Variants in SORCS2 observed in about 807,000 individuals in gnomAD.
SORCS2 encodes sortilin related VPS10 domain containing receptor 2, also known as VPS10 domain-containing receptor SorCS2.
In SORCS2, 100 loss-of-function variants were observed where a neutral mutation model predicts 141.6. The observed-to-expected ratio is 0.71, with a 90% CI of 0.60 to 0.83. The LOEUF is 0.83. SORCS2 is among the 40% of genes least tolerant of loss of function. SORCS2 has a pLI of 0.00. For synonymous variants in SORCS2, 789 were observed against 676.9 expected (o/e 1.17, Z -2.57); for missense variants, 1,646 against 1,560.2 (o/e 1.05, Z -0.93).
chr4:7,634,242 C>T (rs1189137971), intron 3 of SORCS2, among the ~76,000 whole-genome samples: 5 of 152,214 alleles, frequency 3.3e-5, no homozygotes, highest in South Asian at 4.2e-4. Flanking sequence ...GGCATGGTGG[C>T]GGGCACCTGT....
chr4:7,514,609 G>A (rs866564614), intron 2 of SORCS2, among the ~76,000 whole-genome samples: 3 of 152,072 alleles, frequency 2.0e-5, no homozygotes, highest in African/African-American at 4.8e-5. Flanking sequence ...AAGGAGAGGA[G>A]CACACGCAAA....
At chr4:7,461,373 C>T (rs1560304317) in intron 2 of SORCS2, among the ~76,000 whole-genome samples, 1 of 152,154 alleles carries the variant, frequency 6.6e-6, no homozygotes, top group Non-Finnish European at 1.5e-5. Context: ...AGGGGGATGG[C>T]CGAGCTTCCA....
chr4:7,426,996 C>T (rs1239003222), intron 2 of SORCS2, among the ~76,000 whole-genome samples: 4 of 152,136 alleles, frequency 2.6e-5, no homozygotes, highest in African/African-American at 9.7e-5. Context: ...TGGGCCCCTC[C>T]CACCAAGGAA....
At chr4:7,462,024 G>T (rs1297876351) in intron 2 of SORCS2, among the ~76,000 whole-genome samples, 1 of 152,216 alleles carries the variant, frequency 6.6e-6, no homozygotes, top group East Asian at 1.9e-4. Context: ...TGTGCCCAAA[G>T]TTCTAAGGAA....
chr4:7,539,379 G>A (rs974895078), intron 3 of SORCS2, among the ~76,000 whole-genome samples: 12 of 152,178 alleles, frequency 7.9e-5, no homozygotes, highest in African/African-American at 1.2e-4. Flanking sequence ...CATTCAGGCC[G>A]AGCCAAGTCC....
At chr4:7,498,640 G>C (rs1050684000) in intron 2 of SORCS2, among the ~76,000 whole-genome samples, 2 of 152,218 alleles carry the variant, frequency 1.3e-5, no homozygotes, top group African/African-American at 4.8e-5. Flanking sequence ...CAGCACAGCT[G>C]CCAGCCTCAT....
chr4:7,551,916 A>G (rs1381541207), intron 3 of SORCS2, among the ~76,000 whole-genome samples: 1 of 152,238 alleles, frequency 6.6e-6, no homozygotes, highest in Non-Finnish European at 1.5e-5. Context: ...GTAAGAGAAT[A>G]ATTACATGGG....
At chr4:7,544,246 T>C (rs1037678433) in intron 3 of SORCS2, among the ~76,000 whole-genome samples, 1 of 152,252 alleles carries the variant, frequency 6.6e-6, no homozygotes, top group Non-Finnish European at 1.5e-5. Flanking sequence ...ATTCAACTAA[T>C]ATCTATCCCA....
At chr4:7,515,026 G>A (rs527475736) in intron 2 of SORCS2, among the ~76,000 whole-genome samples, 12 of 152,192 alleles carry the variant, frequency 7.9e-5, no homozygotes, top group East Asian at 1.9e-4. Context: ...GACTTGTGGC[G>A]TTAGTTAACC....
In SORCS2 at chr4:7,543,927, TCCAC is replaced by T. The variant is rs1463832178; in HGVS notation, c.648+12302_648+12305del. On this transcript the variant is annotated intron_variant, in intron 3 of 26. Coordinates refer to ENST00000507866, the MANE Select transcript of SORCS2 (RefSeq NM_020777.3). ...ATCCACCCATCCACCCATCCACCCA[TCCAC>T]CCATCCACCCATCCATCCATCCATC... is the stretch of plus-strand genomic sequence containing the variant. Among the ~76,000 whole-genome samples the T allele has an allele frequency of 2.0e-3, 122 of 62,450 alleles. 4 individuals carry two copies. Among genetic ancestry groups the T allele is most frequent in the African/African-American group, 7.9e-3 (114 of 14,418 alleles). 41.0% of individuals were successfully genotyped at this position (62,450 alleles called of 152,430 possible). A position where few individuals can be genotyped will look rare whatever the true frequency, so the allele number is the denominator to read the frequency against.
chr4:7,655,202 TACACAC>T (rs144046004), intron 5 of SORCS2, among the ~76,000 whole-genome samples: 1 of 148,874 alleles, frequency 6.7e-6, no homozygotes, highest in Admixed American at 6.7e-5. Context: ...CTTGTGCGTG[TACACAC>T]ACACACACAC....
intron 3 of SORCS2, among the ~76,000 whole-genome samples, chr4:7,608,184 T>C (rs1294858258): frequency 6.6e-6 from 1 of 152,146 alleles, no homozygotes; most frequent in African/African-American, 2.4e-5. Flanking sequence ...GCCTCCCTCG[T>C]CACTTCCTGC....
At chr4:7,239,242 C>T (rs1361593911) in intron 1 of SORCS2, among the ~76,000 whole-genome samples, 5 of 152,220 alleles carry the variant, frequency 3.3e-5, no homozygotes, top group African/African-American at 7.2e-5. Flanking sequence ...ACGGGCTGCC[C>T]GTGGCTATGT....
rs1031872913 is a variant in SORCS2, at chr4:7,286,582, C to T, written c.480+93456C>T. On this transcript the variant is annotated intron_variant, in intron 1 of 26. Coordinates refer to ENST00000507866, the MANE Select transcript of SORCS2 (RefSeq NM_020777.3). The surrounding 1 kb of genome is among the most constrained non-coding windows in gnomAD (Gnocchi z 4.1). ...GGACCAGAAGGGACATGGTCCCATT[C>T]GGTCCCAGGCCAGCCCCCCGTATCT... Among the ~76,000 whole-genome samples, 4 of 152,180 alleles carry T rather than the reference C, an allele frequency of 2.6e-5. No individual in the cohort carries two copies. The highest frequency in any genetic ancestry group is 2.6e-4 in the Admixed American group (4 of 15,274).
chr4:7,213,157 C>T (rs1309892777), intron 1 of SORCS2, among the ~76,000 whole-genome samples: 1 of 152,272 alleles, frequency 6.6e-6, no homozygotes, highest in Non-Finnish European at 1.5e-5. Context: ...GCCATATCCA[C>T]AATAATCTGG....
intron 3 of SORCS2, among the ~76,000 whole-genome samples, chr4:7,543,719 C>CCCATCCAT (rs1712938395): frequency 2.1e-4 from 1 of 4,720 alleles, no homozygotes; most frequent in African/African-American, 4.2e-4. Flanking sequence ...CACCCATCCA[C>CCCATCCAT]CCATCCACCC....
intron 1 of SORCS2, among the ~76,000 whole-genome samples, chr4:7,265,288 T>C (rs1035466946): frequency 3.3e-5 from 5 of 152,068 alleles, no homozygotes; most frequent in Non-Finnish European, 7.4e-5. Context: ...GTCAAGAGAT[T>C]GAGACCATCC....
chr4:7,412,619 C>G (rs963450615), intron 2 of SORCS2, among the ~76,000 whole-genome samples: 2 of 152,074 alleles, frequency 1.3e-5, no homozygotes, highest in African/African-American at 4.8e-5. Context: ...AATCGTCTCT[C>G]AGGGTTGGTC....
chr4:7,519,466 T>C (rs1442936970), intron 2 of SORCS2, among the ~76,000 whole-genome samples: 1 of 152,100 alleles, frequency 6.6e-6, no homozygotes, highest in Non-Finnish European at 1.5e-5. Flanking sequence ...ACGTCGTGAG[T>C]CTCAGTCTCC....
Sources: gnomAD v4.1 joint callset for allele counts (sites outside exome capture counted in the v4.1 genomes callset) on GRCh38, gnomAD v4.1.1 for gene constraint, Gnocchi (gnomAD v3.1) non-coding constraint, MANE v1.5 for transcripts, NCBI Gene and HGNC (gene_info 2026-07-23, HGNC 2026-07-21) for gene names.